Variants in INTS3 observed in about 807,000 individuals in gnomAD.
The protein encoded by INTS3 is SOSS complex subunit A.
Under a neutral mutation model 146.3 loss-of-function variants are expected in INTS3, and 34 were observed. The ratio of observed to expected loss-of-function variants is 0.23; its 90% confidence interval spans 0.18 to 0.31. The LOEUF is 0.31. INTS3 is among the 10% of genes least tolerant of loss of function. The pLI, the probability that INTS3 is intolerant of heterozygous loss-of-function variation, is 1.00. For missense variants in INTS3, 757 were observed against 1,304.2 expected, an observed-to-expected ratio of 0.58 and a Z score of 6.46; for synonymous variants, 475 against 494.9, an observed-to-expected ratio of 0.96 and a Z score of 0.53.
chr1:153,729,044 A>G (rs994941881), intron 1 of INTS3, among the ~76,000 whole-genome samples: 2 of 152,202 alleles, frequency 1.3e-5, no homozygotes, highest in Admixed American at 6.5e-5. Context: ...TACAACATCC[A>G]GGTTTACCGA....
intron 8 of INTS3, among the ~76,000 whole-genome samples, chr1:153,752,701 G>C (rs1484848687): frequency 6.6e-6 from 1 of 152,160 alleles, no homozygotes; most frequent in Non-Finnish European, 1.5e-5. Context: ...CAGCTCCTTG[G>C]CTCAGGAGGT....
At chr1:153,733,849 C>G (rs1327759582) in intron 1 of INTS3, among the ~76,000 whole-genome samples, 1 of 150,888 alleles carries the variant, frequency 6.6e-6, no homozygotes, top group Non-Finnish European at 1.5e-5. Flanking sequence ...GTGATTCGCC[C>G]CCCTCAGCCT....
intron 15 of INTS3, 46 bp from the exon 16 acceptor site, chr1:153,763,187 C>T: frequency 6.2e-7 from 1 of 1,613,290 alleles, no homozygotes; most frequent in Non-Finnish European, 8.5e-7. Context: ...GTCTCTGTTG[C>T]TGGCATCTGG....
intron 1 of INTS3, among the ~76,000 whole-genome samples, chr1:153,739,140 G>A (rs1423207953): frequency 2.0e-5 from 3 of 151,544 alleles, no homozygotes; most frequent in East Asian, 1.9e-4. Flanking sequence ...CTCGGTTCAC[G>A]GCAACTGCCA....
At chr1:153,755,083 C>T (rs951365745) in intron 9 of INTS3, among the ~76,000 whole-genome samples, 5 of 152,282 alleles carry the variant, frequency 3.3e-5, no homozygotes, top group Non-Finnish European at 7.4e-5. Context: ...TGAAAGTGTT[C>T]ACGCTAAGAA....
At position 153,774,169 on chromosome 1, in the gene INTS3, A is replaced by T. The variant is rs1673043606; in HGVS notation, c.*899A>T. On this transcript the variant is annotated 3_prime_UTR_variant, in exon 30 of 30. Coordinates refer to ENST00000318967, the MANE Select transcript of INTS3 (RefSeq NM_023015.5). ...GCACCCCTACTTGTAACCGCAGAAC[A>T]TCCCCCTTTCCCTTCCTGTTCTGCC... 1 of 152,184 alleles carries T rather than the reference A, an allele frequency of 6.6e-6. No individual in the cohort carries two copies. The highest frequency in any genetic ancestry group is 2.4e-5 in the African/African-American group (1 of 41,406). 9.4% of individuals were successfully genotyped at this position (152,184 alleles called of 1,614,324 possible).
chr1:153,769,339 T>C (rs1672722459), intron 22 of INTS3, among the ~76,000 whole-genome samples: 1 of 152,208 alleles, frequency 6.6e-6, no homozygotes, highest in Non-Finnish European at 1.5e-5. Flanking sequence ...CAAGAGGCTG[T>C]AGCTTTGCTC....
chr1:153,761,189 C>G, intron 13 of INTS3: 1 of 712,598 alleles, frequency 1.4e-6, no homozygotes, highest in Non-Finnish European at 2.1e-6. Context: ...TGTGCTTAGA[C>G]CTATCTCAAC....
At chr1:153,763,687 C>G (rs1672472936) in intron 16 of INTS3, 145 bp from the exon 17 acceptor site, 2 of 741,960 alleles carry the variant, frequency 2.7e-6, no homozygotes, top group Admixed American at 5.0e-5. Flanking sequence ...GCCCTAAAGC[C>G]TCCCCATCCA....
Position 153,772,527 on chromosome 1 carries a change from A to G in INTS3, c.2821+87A>G. On this transcript the variant is annotated intron_variant, in intron 27 of 29. Coordinates refer to ENST00000318967, the MANE Select transcript of INTS3 (RefSeq NM_023015.5). The surrounding 1 kb of genome is among the most constrained non-coding windows in gnomAD (Gnocchi z 4.6). ...GAGCCAGGCTGGGGGCAGGGGCAGG[A>G]CACCCGGGGCCACAACCCACACTCG... is the stretch of plus-strand genomic sequence containing the variant. 9 of 1,611,914 alleles carry G rather than the reference A, an allele frequency of 5.6e-6. No homozygotes were observed. The highest frequency in any genetic ancestry group is 7.6e-6 in the Non-Finnish European group (9 of 1,178,890).
At chr1:153,739,735 C>T (rs1301383215) in intron 1 of INTS3, among the ~76,000 whole-genome samples, 1 of 152,162 alleles carries the variant, frequency 6.6e-6, no homozygotes, top group Non-Finnish European at 1.5e-5. Flanking sequence ...TCCCAAAGTG[C>T]TGGGATTACA....
At chr1:153,751,280 C>T (rs1258919794) in intron 7 of INTS3, 41 bp downstream of exon 7, 2 of 1,605,454 alleles carry the variant, frequency 1.2e-6, no homozygotes, top group Admixed American at 1.7e-5. Flanking sequence ...AAGTGAGACT[C>T]AGGCTAAGAT....
intron 10 of INTS3, among the ~76,000 whole-genome samples, chr1:153,759,202 C>T (rs905057024): frequency 7.0e-6 from 1 of 143,364 alleles, no homozygotes; most frequent in African/African-American, 2.6e-5. Context: ...CGAGCCTGGG[C>T]GGTGGAGGTT....
chr1:153,763,014 A>C lies in INTS3; in HGVS notation c.1636+167A>C, dbSNP rs1357721522. ...CAGAATGCAGAGCCCTGTACTTAAC[A>C]CTCAAGGCAGGAAGGAAAAAAGAAG... On this transcript the variant is annotated intron_variant, in intron 15 of 29. Coordinates refer to ENST00000318967, the MANE Select transcript of INTS3 (RefSeq NM_023015.5). 2.0e-5 allele frequency among the ~76,000 whole-genome samples: 3 copies of C among 152,198 alleles called. No homozygotes were observed. In the East Asian group the frequency reaches 5.8e-4, roughly 29 times the overall value.
intron 3 of INTS3, among the ~76,000 whole-genome samples, chr1:153,743,941 T>C (rs1671631577): frequency 6.6e-6 from 1 of 152,042 alleles, no homozygotes; most frequent in South Asian, 2.1e-4. Flanking sequence ...ATCACTGCTC[T>C]TGACACATTC....
chr1:153,728,528 C>A lies in INTS3; in HGVS notation c.-107C>A. The A allele has an allele frequency of 7.2e-7, 1 of 1,393,816 alleles. No individual in the cohort carries two copies. The highest frequency in any genetic ancestry group is 9.6e-7 in the Non-Finnish European group (1 of 1,037,766). 86.3% of individuals were successfully genotyped at this position (1,393,816 alleles called of 1,614,324 possible). On this transcript the variant is annotated 5_prime_UTR_variant, in exon 1 of 30. Transcript: ENST00000318967. ...GACAGGGGCCCTTGCTCTCCCCTCC[C>A]CAACTTGTTCCTCTTGCCCCCCAGT... is the stretch of plus-strand genomic sequence containing the variant.
At chr1:153,738,052 T>C (rs547994315) in intron 1 of INTS3, among the ~76,000 whole-genome samples, 2 of 152,342 alleles carry the variant, frequency 1.3e-5, no homozygotes, top group African/African-American at 4.8e-5. Context: ...AAACATTTTA[T>C]ATAAAGTCTA....
chr1:153,773,141 C>G, intron 29 of INTS3, 52 bp from the exon 30 acceptor site: 2 of 1,613,594 alleles, frequency 1.2e-6, no homozygotes, highest in Non-Finnish European at 1.7e-6. Context: ...GGAGTCGGCG[C>G]CAGCAGCTGC....
intron 3 of INTS3, among the ~76,000 whole-genome samples, chr1:153,744,900 G>C (rs183329956): frequency 2.4e-4 from 36 of 152,232 alleles, no homozygotes; most frequent in Admixed American, 7.8e-4. Flanking sequence ...ACAAGAGGTG[G>C]TTAAGCATGT....
Sources: gnomAD v4.1 joint callset for allele counts (sites outside exome capture counted in the v4.1 genomes callset) on GRCh38, gnomAD v4.1.1 for gene constraint, Gnocchi (gnomAD v3.1) non-coding constraint, MANE v1.5 for transcripts, NCBI Gene and HGNC (gene_info 2026-07-23, HGNC 2026-07-21) for gene names.